Variants in NDUFS7 observed in about 807,000 individuals in gnomAD.
NDUFS7 encodes the protein NADH:ubiquinone oxidoreductase core subunit S7, also known as NADH dehydrogenase [ubiquinone] iron-sulfur protein 7, mitochondrial.
Under a neutral mutation model 31.1 loss-of-function variants are expected in NDUFS7, and 11 were observed. The observed-to-expected ratio is 0.35, with a 90% CI of 0.22 to 0.59. The LOEUF (loss-of-function observed/expected upper bound fraction) is 0.59. Ranked by LOEUF, NDUFS7 falls within the 20% of genes least tolerant of loss-of-function variation. The probability of loss-of-function intolerance (pLI) is 0.79; values close to 1 mark genes in which losing one functional copy is unlikely to be tolerated. For missense variants in NDUFS7, 263 were observed against 324.2 expected (o/e 0.81, Z 1.45); for synonymous variants, 136 against 127.9 (o/e 1.06, Z -0.43).
At chr19:1,392,388 G>A (rs577037610) in intron 6 of NDUFS7, 2 of 152,282 alleles carry the variant, frequency 1.3e-5, no homozygotes, top group East Asian at 3.9e-4. Context: ...GTGGTTTTTA[G>A]GCCACCACCT....
chr19:1,389,025 GACACGTACAC>G (rs1238509681), intron 4 of NDUFS7, 87 bp downstream of exon 4: 7 of 1,102,828 alleles, frequency 6.3e-6, no homozygotes, highest in African/African-American at 3.1e-5. Context: ...CCAACGTGCA[GACACGTACAC>G]ACACAACACA....
At position 1,393,858 on chromosome 19, in the gene NDUFS7, C is replaced by T. The variant is rs991639053; in HGVS notation, c.544+528C>T. ...ATATCCCAACAATATTTGGGCTATACTGACACTAAAAAGAGCATTGGCTGC... is the reference window on the plus strand; with the variant it reads ...ATATCCCAACAATATTTGGGCTATATTGACACTAAAAAGAGCATTGGCTGC... On this transcript the variant is annotated intron_variant, in intron 7 of 7. Coordinates refer to ENST00000233627, the MANE Select transcript of NDUFS7 (RefSeq NM_024407.5). This position sits in a 1 kb window ranked among gnomAD's most constrained non-coding sequence, Gnocchi z 7.3. 2 of 262,052 alleles carry T rather than the reference C, an allele frequency of 7.6e-6. No homozygotes were observed. The highest frequency in any genetic ancestry group is 2.2e-5 in the African/African-American group (1 of 45,662). The allele number at this position is 262,052 out of a possible 1,614,324, so 16.2% of individuals were successfully genotyped here. A position where few individuals can be genotyped will look rare whatever the true frequency, so the allele number is the denominator to read the frequency against.
At chr19:1,388,676 A>G (rs2082526655) in intron 3 of NDUFS7, 83 bp downstream of exon 3, 1 of 1,490,962 alleles carries the variant, frequency 6.7e-7, no homozygotes, top group African/African-American at 1.4e-5. Context: ...TGCCGCAGCC[A>G]CTGAGGTGCA....
intron 4 of NDUFS7, 93 bp from the exon 5 acceptor site, chr19:1,390,778 T>C: frequency 4.2e-6 from 6 of 1,434,866 alleles, no homozygotes; most frequent in African/African-American, 1.4e-5. Context: ...CCCCGGGACA[T>C]GAGTCGGGGG....
intron 6 of NDUFS7, chr19:1,392,525 G>C (rs2082564135): frequency 6.5e-6 from 1 of 152,870 alleles, no homozygotes; most frequent in South Asian, 2.1e-4. Context: ...GCCCGTCCTG[G>C]ACATTTCACA....
intron 7 of NDUFS7, chr19:1,395,127 T>C: frequency 7.3e-7 from 1 of 1,370,614 alleles, no homozygotes; most frequent in East Asian, 2.9e-5. Flanking sequence ...GGTCAGCGTC[T>C]TGTCCGAGAG....
intron 7 of NDUFS7, chr19:1,395,102 G>C: frequency 7.5e-7 from 1 of 1,326,890 alleles, no homozygotes; most frequent in South Asian, 1.7e-5. Context: ...CTGGGGCCGG[G>C]GGCCGGGTTA....
intron 2 of NDUFS7, chr19:1,388,112 G>A: frequency 1.7e-6 from 1 of 604,524 alleles, no homozygotes; most frequent in East Asian, 2.8e-5. Context: ...CGCCACCTGG[G>A]GTGGGAAGGC....
intron 6 of NDUFS7, among the ~76,000 whole-genome samples, chr19:1,391,675 C>T (rs1036878738): frequency 6.0e-5 from 9 of 149,712 alleles, no homozygotes; most frequent in African/African-American, 2.0e-4. Flanking sequence ...TTAGTAGAGA[C>T]GGGGTTTTAC....
intron 1 of NDUFS7, chr19:1,384,192 CG>C: frequency 3.9e-6 from 2 of 508,994 alleles, no homozygotes; most frequent in Non-Finnish European, 6.8e-6. Context: ...CTCAGGAAGG[CG>C]CTCGGGGTGG....
chr19:1,383,915 G>A lies in NDUFS7; in HGVS notation c.-12G>A, dbSNP rs1262699192. 1.1e-5 allele frequency: 18 copies of A among 1,581,164 alleles called. No individual in the cohort carries two copies. Among genetic ancestry groups the A allele is most frequent in the Non-Finnish European group, 1.5e-5 (17 of 1,164,696 alleles). ...AACGGACCTCAGAGGTTGTCTGAAG[G>A]CCGAGGCCAAGATGGCGGTGCTGTC... On this transcript the variant is annotated 5_prime_UTR_variant, in exon 1 of 8. Transcript: ENST00000233627.
intron 6 of NDUFS7, chr19:1,392,837 G>T: frequency 3.3e-6 from 1 of 298,722 alleles, no homozygotes; most frequent in South Asian, 3.4e-5. Context: ...TCCCTGCCCC[G>T]GGTGGACCCC....
intron 4 of NDUFS7, chr19:1,390,526 C>T (rs1158234809): frequency 2.1e-5 from 9 of 435,936 alleles, no homozygotes; most frequent in African/African-American, 8.0e-5. Flanking sequence ...AGAGAGTTCC[C>T]GGTTAGACCT....
intron 1 of NDUFS7, among the ~76,000 whole-genome samples, chr19:1,384,581 C>T (rs2144604874): frequency 6.6e-6 from 1 of 152,350 alleles, no homozygotes; most frequent in African/African-American, 2.4e-5. Context: ...AAAAGATTGT[C>T]TTGAAACCTG....
chr19:1,394,728 T>TG (rs1391005893), intron 7 of NDUFS7: 10 of 1,192,416 alleles, frequency 8.4e-6, no homozygotes, highest in South Asian at 1.5e-5. Context: ...TGGAGCAGCC[T>TG]GGACTTGCCA....
chr19:1,384,088 C>T, intron 1 of NDUFS7, 146 bp downstream of exon 1: 2 of 881,228 alleles, frequency 2.3e-6, no homozygotes, highest in Non-Finnish European at 3.2e-6. Flanking sequence ...TCCTCGGGCT[C>T]CCCGCCCGGC....
chr19:1,385,212 G>GC (rs1268512794), intron 1 of NDUFS7, among the ~76,000 whole-genome samples: 1 of 152,188 alleles, frequency 6.6e-6, no homozygotes, highest in African/African-American at 2.4e-5. Flanking sequence ...TCCTCACCAG[G>GC]CCCCTTGTTA....
chr19:1,390,922 A>G lies in NDUFS7; in HGVS notation c.280A>G (p.Met94Val). 6.2e-7 allele frequency: 1 copy of G among 1,612,098 alleles called. No individual in the cohort carries two copies. Among genetic ancestry groups the G allele is most frequent in the Non-Finnish European group, 8.5e-7 (1 of 1,179,842 alleles). ...FGLACCAVEM[M>V]HMAAPRYDMD... Reference sequence around the variant, plus strand: ...CCTGGCCTGCTGCGCCGTGGAGATGATGCACATGGCAGCACCCCGCTACGA... The same window carrying G: ...CCTGGCCTGCTGCGCCGTGGAGATGGTGCACATGGCAGCACCCCGCTACGA... The change falls in exon 5 of 8, where the codon ATG becomes GTG. Residue 94 changes from methionine to valine, a missense_variant. Transcript: ENST00000233627.
At position 1,391,139 on chromosome 19, in the gene NDUFS7, G is replaced by A. The variant is rs767770704; in HGVS notation, c.429G>A (p.Glu143=). Residue 143 remains glutamate, a synonymous_variant, in exon 6 of 8, where the codon GAG becomes GAA. Coordinates refer to ENST00000233627, the MANE Select transcript of NDUFS7 (RefSeq NM_024407.5). ...TCCAGGTCTACGACCAGATGCCGGAGCCGCGCTACGTGGTCTCCATGGGGA... is the reference window on the plus strand; with the variant it reads ...TCCAGGTCTACGACCAGATGCCGGAACCGCGCTACGTGGTCTCCATGGGGA... ...ALRKVYDQMP[E]PRYVVSMGSC... is the part of the protein sequence containing the mutation. 4.3e-6 allele frequency: 7 copies of A among 1,612,610 alleles called. No individual in the cohort carries two copies. The Middle Eastern group carries it at 1.2e-3, about 267-fold the overall frequency.
Sources: allele counts gnomAD v4.1 joint callset (sites outside exome capture counted in the v4.1 genomes callset), GRCh38; gene constraint gnomAD v4.1.1; non-coding constraint Gnocchi (gnomAD v3.1); transcripts MANE v1.5; gene names NCBI Gene and HGNC (gene_info 2026-07-23, HGNC 2026-07-21).